WWP2: variants seen among roughly 807,000 people sequenced by gnomAD.
WWP2 encodes the protein WW domain containing E3 ubiquitin protein ligase 2.
WWP2 carries 57 observed loss-of-function variants against 121.0 expected under a neutral mutation model. The ratio of observed to expected loss-of-function variants is 0.47; its 90% confidence interval spans 0.38 to 0.59. The LOEUF (loss-of-function observed/expected upper bound fraction) is 0.59, where lower values mean the gene tolerates loss of function less well. WWP2 is among the 20% of genes least tolerant of loss of function. The pLI, the probability that WWP2 is intolerant of heterozygous loss-of-function variation, is 0.00. For missense variants in WWP2, 962 were observed against 1,158.9 expected (o/e 0.83, Z 2.47); for synonymous variants, 449 against 441.3 (o/e 1.02, Z -0.22).
At chr16:69,904,278 C>T (rs2151955908) in intron 8 of WWP2, among the ~76,000 whole-genome samples, 1 of 152,274 alleles carries the variant, frequency 6.6e-6, no homozygotes, top group East Asian at 1.9e-4. Flanking sequence ...ACAGACGAAA[C>T]ACCAGCCTCT....
chr16:69,921,832 G>T (rs937797969), intron 10 of WWP2, among the ~76,000 whole-genome samples: 6 of 152,140 alleles, frequency 3.9e-5, no homozygotes, highest in South Asian at 2.1e-4. Flanking sequence ...CCAGCACTTT[G>T]GGAGGCTGAG....
At chr16:69,902,097 A>G (rs1003889781) in intron 8 of WWP2, among the ~76,000 whole-genome samples, 2 of 152,258 alleles carry the variant, frequency 1.3e-5, no homozygotes, top group Non-Finnish European at 2.9e-5. Flanking sequence ...TATGGTGATC[A>G]GAATGGTTGA....
chr16:69,831,297 C>G (rs1035283648), intron 4 of WWP2, among the ~76,000 whole-genome samples: 4 of 152,092 alleles, frequency 2.6e-5, no homozygotes, highest in African/African-American at 4.8e-5. Flanking sequence ...ACATACATTT[C>G]GGTGGTATGG....
At chr16:69,866,180 C>T (rs1566454) in intron 6 of WWP2, among the ~76,000 whole-genome samples, 103,167 of 151,978 alleles carry the variant, frequency 0.68, 36,706 homozygotes, top group East Asian at 0.9. Context: ...GTGGACTGTC[C>T]TGTCATTTTT....
chr16:69,824,767 CTTTT>C (rs34154307), intron 4 of WWP2, among the ~76,000 whole-genome samples: 3 of 82,750 alleles, frequency 3.6e-5, no homozygotes, highest in African/African-American at 5.3e-5. Flanking sequence ...GCACCTGTGG[CTTTT>C]TTTTTTTTTT....
intron 1 of WWP2, among the ~76,000 whole-genome samples, chr16:69,766,754 C>T (rs1223771737): frequency 6.6e-6 from 1 of 151,994 alleles, no homozygotes; most frequent in Admixed American, 6.6e-5. Flanking sequence ...TCTAGGGATC[C>T]TATATTTTAC....
intron 7 of WWP2, among the ~76,000 whole-genome samples, chr16:69,872,690 A>G (rs1487814427): frequency 3.9e-5 from 6 of 152,226 alleles, no homozygotes; most frequent in Non-Finnish European, 5.9e-5. Context: ...ATGGGTTGAG[A>G]TGCTGACTGG....
In WWP2 at chr16:69,939,952, C is replaced by G; in HGVS notation, c.*12C>G. 1 of 1,607,274 alleles carries G rather than the reference C, an allele frequency of 6.2e-7. No individual in the cohort carries two copies. The highest frequency in any genetic ancestry group is 1.3e-5 in the African/African-American group (1 of 74,916). On this transcript the variant is annotated 3_prime_UTR_variant, in exon 24 of 24. Transcript: ENST00000359154. Reference sequence around the variant, plus strand: ...TTGGACAGGAGTAACCGAGGCCGCCCCTCCCACGCCCCCCAGCGCACATGT... The same window carrying G: ...TTGGACAGGAGTAACCGAGGCCGCCGCTCCCACGCCCCCCAGCGCACATGT...
intron 7 of WWP2, among the ~76,000 whole-genome samples, chr16:69,874,581 A>C (rs1597092305): frequency 1.3e-5 from 2 of 152,216 alleles, no homozygotes; most frequent in Admixed American, 1.3e-4. Flanking sequence ...AGTGAATGGC[A>C]GCCCGTCTGT....
chr16:69,904,636 T>C (rs1001170919), intron 8 of WWP2, among the ~76,000 whole-genome samples: 1 of 152,160 alleles, frequency 6.6e-6, no homozygotes, highest in African/African-American at 2.4e-5. Context: ...CTCCCAAAGT[T>C]CTGGTACTGT....
intron 4 of WWP2, among the ~76,000 whole-genome samples, chr16:69,818,204 A>T (rs2056531534): frequency 6.7e-6 from 1 of 150,056 alleles, no homozygotes; most frequent in East Asian, 1.9e-4. Context: ...TTATTTATTT[A>T]ATTTATTTAT....
At chr16:69,836,966 T>G (rs762407550) in intron 4 of WWP2, among the ~76,000 whole-genome samples, 11 of 150,962 alleles carry the variant, frequency 7.3e-5, no homozygotes, top group South Asian at 4.2e-4. Context: ...TTTGGTTGCT[T>G]AGGTTGGAGT....
intron 4 of WWP2, among the ~76,000 whole-genome samples, chr16:69,807,983 C>G (rs2056315882): frequency 6.6e-6 from 1 of 152,072 alleles, no homozygotes; most frequent in Non-Finnish European, 1.5e-5. Flanking sequence ...AAAAAACATT[C>G]TTAGTGTTAC....
rs750367617 is a variant in WWP2 at position 69,929,549 on chromosome 16, G to A, written c.1316+20G>A. On this transcript the variant is annotated intron_variant, in intron 12 of 23. Transcript: ENST00000359154. ...CCAGGGGTAAGGACTTGGGCTGAGA[G>A]GGGGGCCGGGCTGGGCTGGGTCTCT... is the stretch of plus-strand genomic sequence containing the variant. The A allele has an allele frequency of 1.7e-5, 28 of 1,611,570 alleles. No individual in the cohort carries two copies. The highest frequency in any genetic ancestry group is 8.0e-5 in the African/African-American group (6 of 74,872).
rs186276607 is a variant in WWP2, at chr16:69,822,648, G to T, written c.341-17478G>T. Reference sequence around the variant, plus strand: ...AAAGAGAAAAAGGAATCGTCTAGAGGAACAAGAGAAAATCATTTTAGGTGG... The same window carrying T: ...AAAGAGAAAAAGGAATCGTCTAGAGTAACAAGAGAAAATCATTTTAGGTGG... On this transcript the variant is annotated intron_variant, in intron 4 of 23. Coordinates refer to ENST00000359154, the MANE Select transcript of WWP2 (RefSeq NM_001270454.2). 3.9e-5 allele frequency among the ~76,000 whole-genome samples: 6 copies of T among 152,138 alleles called. No homozygotes were observed. The East Asian group carries it at 1.2e-3, about 29-fold the overall frequency.
Position 69,939,973 on chromosome 16 carries a change from CAT to C in WWP2, c.*34_*35del. On this transcript the variant is annotated 3_prime_UTR_variant, in exon 24 of 24. Transcript: ENST00000359154. ...CGCCCCTCCCACGCCCCCCAGCGCA[CAT>C]GTAGTCCTGAGTCCTCCCTGCCTGA... 1.9e-6 allele frequency: 3 copies of C among 1,580,160 alleles called. No homozygotes were observed. The highest frequency in any genetic ancestry group is 2.6e-6 in the Non-Finnish European group (3 of 1,156,280).
intron 13 of WWP2, among the ~76,000 whole-genome samples, chr16:69,930,694 G>A (rs759961322): frequency 6.6e-6 from 1 of 152,128 alleles, no homozygotes; most frequent in Non-Finnish European, 1.5e-5. Flanking sequence ...GTGAGTCCCT[G>A]TTTCTAAAAA....
intron 2 of WWP2, among the ~76,000 whole-genome samples, chr16:69,794,247 G>A (rs1597676544): frequency 6.6e-6 from 1 of 152,128 alleles, no homozygotes; most frequent in Non-Finnish European, 1.5e-5. Context: ...ACTATAGGCT[G>A]GGTGTGGTGG....
At chr16:69,830,378 T>G (rs2056773347) in intron 4 of WWP2, among the ~76,000 whole-genome samples, 5 of 152,206 alleles carry the variant, frequency 3.3e-5, no homozygotes, top group Admixed American at 3.3e-4. Context: ...GATGAGCCAC[T>G]GTGCCCAGCC....
Sources: gnomAD v4.1 joint callset for allele counts (sites outside exome capture counted in the v4.1 genomes callset) on GRCh38, gnomAD v4.1.1 for gene constraint, MANE v1.5 for transcripts, NCBI Gene and HGNC (gene_info 2026-07-23, HGNC 2026-07-21) for gene names.